Variants in SEMA6D observed in about 807,000 individuals in gnomAD.
SEMA6D encodes the protein semaphorin 6D.
In SEMA6D, 35 loss-of-function variants were observed where a neutral mutation model predicts 106.6. The ratio of observed to expected loss-of-function variants is 0.33; its 90% CI spans 0.25 to 0.44. SEMA6D has a LOEUF of 0.44. Ranked by LOEUF, SEMA6D falls within the 20% of genes least tolerant of loss-of-function variation. SEMA6D has a pLI of 1.00. For missense variants in SEMA6D, 1,185 were observed against 1,345.9 expected, an observed-to-expected ratio of 0.88 and a Z score of 1.87; for synonymous variants, 499 against 487.7, an observed-to-expected ratio of 1.02 and a Z score of -0.31.
intron 1 of SEMA6D, among the ~76,000 whole-genome samples, chr15:47,341,726 G>A (rs1330723901): frequency 6.6e-6 from 1 of 152,128 alleles, no homozygotes; most frequent in Admixed American, 6.5e-5. Context: ...TTTCAATGAG[G>A]CACTTGTTAT....
chr15:47,188,886 G>A (rs1893755767), intron 1 of SEMA6D, among the ~76,000 whole-genome samples: 1 of 152,136 alleles, frequency 6.6e-6, no homozygotes, highest in Non-Finnish European at 1.5e-5. Context: ...GGGTGGAGAA[G>A]CCATAAACTC....
At chr15:47,223,631 C>T (rs949854359) in intron 1 of SEMA6D, among the ~76,000 whole-genome samples, 3 of 152,014 alleles carry the variant, frequency 2.0e-5, no homozygotes, top group Non-Finnish European at 2.9e-5. Flanking sequence ...TTAAAATCAG[C>T]TTCCTGTGCA....
At chr15:47,227,558 C>T (rs1389804743) in intron 1 of SEMA6D, among the ~76,000 whole-genome samples, 1 of 80,416 alleles carries the variant, frequency 1.2e-5, no homozygotes, top group African/African-American at 3.8e-5. Context: ...CTCTCTGTCT[C>T]TCTCTCTCTC....
intron 1 of SEMA6D, among the ~76,000 whole-genome samples, chr15:47,212,393 G>C (rs2030118271): frequency 6.6e-6 from 1 of 152,138 alleles, no homozygotes; most frequent in South Asian, 2.1e-4. Flanking sequence ...AGACCTTTCT[G>C]CTTTTCCCAA....
At chr15:47,352,447 C>T (rs909110960) in intron 1 of SEMA6D, among the ~76,000 whole-genome samples, 2 of 152,134 alleles carry the variant, frequency 1.3e-5, no homozygotes, top group Admixed American at 6.5e-5. Context: ...CTTGAATACA[C>T]ACTGTTATTT....
At chr15:47,249,346 C>T (rs2033379116) in intron 1 of SEMA6D, among the ~76,000 whole-genome samples, 1 of 152,138 alleles carries the variant, frequency 6.6e-6, no homozygotes, top group Non-Finnish European at 1.5e-5. Context: ...CATTTGCACT[C>T]TTATTAAATA....
intron 1 of SEMA6D, among the ~76,000 whole-genome samples, chr15:47,719,051 T>TG (rs1478748195): frequency 6.6e-6 from 1 of 151,338 alleles, no homozygotes; most frequent in Non-Finnish European, 1.5e-5. Context: ...GCACGAGAAT[T>TG]GGGTTTGAAA....
At chr15:47,353,472 C>T (rs1039224806) in intron 1 of SEMA6D, among the ~76,000 whole-genome samples, 2 of 152,130 alleles carry the variant, frequency 1.3e-5, no homozygotes, top group Non-Finnish European at 2.9e-5. Flanking sequence ...ACCTGGATAC[C>T]TTTCCACATG....
intron 1 of SEMA6D, among the ~76,000 whole-genome samples, chr15:47,282,036 G>A (rs1311189447): frequency 3.9e-5 from 6 of 152,118 alleles, no homozygotes; most frequent in Non-Finnish European, 5.9e-5. Context: ...TGGCATGGAA[G>A]AGTAATAATT....
intron 4 of SEMA6D, among the ~76,000 whole-genome samples, chr15:47,644,018 G>A (rs1380963492): frequency 6.6e-5 from 10 of 152,010 alleles, no homozygotes; most frequent in African/African-American, 9.7e-5. Flanking sequence ...TTAATTCCCC[G>A]TTGTCTAGAC....
rs554485275 is a variant in SEMA6D at position 47,773,170 on chromosome 15, C to T, written c.*1385C>T. The stretch of plus-strand genomic sequence containing the variant: ...CTGAGTGCCAGTTGTAAATGTTTTT[C>T]AACCAGCACCTAAAAAGACTCTTTT... On this transcript the variant is annotated 3_prime_UTR_variant, in exon 19 of 19. Transcript: ENST00000536845. The T allele has an allele frequency of 6.6e-6, 1 of 152,602 alleles. No homozygotes were observed. The highest frequency in any genetic ancestry group is 1.5e-5 in the Non-Finnish European group (1 of 68,038). The allele number at this position is 152,602 out of a possible 1,614,324, so 9.5% of individuals were successfully genotyped here.
At chr15:47,217,573 G>GTA (rs1182951378) in intron 1 of SEMA6D, among the ~76,000 whole-genome samples, 1 of 151,014 alleles carries the variant, frequency 6.6e-6, no homozygotes, top group Admixed American at 6.6e-5. Flanking sequence ...ACGGGTGTGT[G>GTA]TGTGTGTGTG....
At chr15:47,481,148 G>C (rs1287606932) in intron 3 of SEMA6D, among the ~76,000 whole-genome samples, 2 of 152,168 alleles carry the variant, frequency 1.3e-5, no homozygotes, top group African/African-American at 4.8e-5. Context: ...TAAGGGCTCA[G>C]ATCCATGACA....
At chr15:47,478,404 C>T (rs2043057837) in intron 3 of SEMA6D, among the ~76,000 whole-genome samples, 1 of 152,170 alleles carries the variant, frequency 6.6e-6, no homozygotes, top group Non-Finnish European at 1.5e-5. Context: ...AGACAATTAA[C>T]TTGTTGAAAG....
chr15:47,384,814 G>GTTTTTTTGTTT (rs1567042573), intron 1 of SEMA6D, among the ~76,000 whole-genome samples: 1 of 65,696 alleles, frequency 1.5e-5, no homozygotes, highest in South Asian at 9.0e-4. Context: ...GATTACTAAA[G>GTTTTTTTGTTT]TTTTTTTTTT....
chr15:47,305,026 T>G (rs114901557), intron 1 of SEMA6D, among the ~76,000 whole-genome samples: 1 of 152,212 alleles, frequency 6.6e-6, no homozygotes, highest in African/African-American at 2.4e-5. Context: ...TTAGCACCTG[T>G]TTTTCATTTA....
chr15:47,597,216 A>G (rs550523086), intron 3 of SEMA6D, among the ~76,000 whole-genome samples: 17 of 152,268 alleles, frequency 1.1e-4, no homozygotes, highest in Admixed American at 5.2e-4. Flanking sequence ...ATGATTGAAG[A>G]TAACAAATAT....
At chr15:47,226,470 G>A (rs1056964583) in intron 1 of SEMA6D, among the ~76,000 whole-genome samples, 11 of 152,112 alleles carry the variant, frequency 7.2e-5, no homozygotes, top group African/African-American at 2.7e-4. Context: ...GACAATAGAT[G>A]CCAGAGAGGT....
intron 4 of SEMA6D, among the ~76,000 whole-genome samples, chr15:47,669,761 T>C (rs1158783363): frequency 1.3e-5 from 2 of 152,218 alleles, no homozygotes; most frequent in Admixed American, 6.5e-5. Context: ...AGCTGAGCCA[T>C]ACTTCCATCT....
Sources: allele counts gnomAD v4.1 joint callset (sites outside exome capture counted in the v4.1 genomes callset), GRCh38; gene constraint gnomAD v4.1.1; transcripts MANE v1.5; gene names NCBI Gene and HGNC (gene_info 2026-07-23, HGNC 2026-07-21).